The following CABIN1 variants were observed in gnomAD, a reference collection of about 807,000 sequenced individuals.
CABIN1 encodes the protein calcineurin-binding protein cabin-1.
A neutral mutation model predicts 227.7 loss-of-function variants in CABIN1; 133 were observed. The ratio of observed to expected loss-of-function variants is 0.58; its 90% CI spans 0.51 to 0.67. The LOEUF (loss-of-function observed/expected upper bound fraction) is 0.67, where lower values mean the gene tolerates loss of function less well. Ranked by LOEUF, CABIN1 falls within the 30% of genes least tolerant of loss-of-function variation. CABIN1 has a pLI of 0.00. For synonymous variants in CABIN1, 1,086 were observed against 1,155.1 expected (o/e 0.94, Z 1.21); for missense variants, 2,408 against 2,852.5 (o/e 0.84, Z 3.55).
At position 24,081,085 on chromosome 22, in the gene CABIN1, C is replaced by A. The variant is rs117340640; in HGVS notation, c.2749-2143C>A. Among the ~76,000 whole-genome samples the A allele has an allele frequency of 7.9e-3, 1,202 of 152,304 alleles. 6 individuals are homozygous for A. Among genetic ancestry groups the A allele is most frequent in the South Asian group, 0.015 (70 of 4,826 alleles). The stretch of plus-strand genomic sequence containing the variant: ...TCGTAGATATTATTTAAATCAGTGG[C>A]TGCAGCTTTGTTCCAACAAAACTTG... On this transcript the variant is annotated intron_variant, in intron 19 of 36. Coordinates refer to ENST00000263119, the MANE Select transcript of CABIN1 (RefSeq NM_012295.4).
intron 29 of CABIN1, 147 bp downstream of exon 29, chr22:24,134,562 G>A (rs1234052023): frequency 2.7e-5 from 19 of 699,280 alleles, no homozygotes; most frequent in Non-Finnish European, 4.1e-5. Context: ...ACAGTCGAGA[G>A]TGAGCCAGAC....
chr22:24,161,664 T>G (rs372782969), intron 29 of CABIN1, among the ~76,000 whole-genome samples: 1 of 152,212 alleles, frequency 6.6e-6, no homozygotes, highest in African/African-American at 2.4e-5. Flanking sequence ...CACTGCTGCC[T>G]ATGCCCTTCT....
rs1017546776 is a variant in CABIN1, at chr22:24,177,987, TGGCAGAGGGGCTTGG to T, written c.6520-58_6520-44del. The stretch of plus-strand genomic sequence containing the variant: ...GGGGGGCCTGGGGCAGGGGTGAAGG[TGGCAGAGGGGCTTGG>T]GGCAGAGCCCAGCCATCCTTGACCA... On this transcript the variant is annotated intron_variant, in intron 36 of 36. Transcript: ENST00000263119. This position sits in a 1 kb window ranked among gnomAD's most constrained non-coding sequence, Gnocchi z 4.4. 5.8e-5 allele frequency: 93 copies of T among 1,606,374 alleles called. No homozygotes were observed. The highest frequency in any genetic ancestry group is 8.4e-5 in the Admixed American group (5 of 59,842).
intron 26 of CABIN1, among the ~76,000 whole-genome samples, chr22:24,101,994 G>A (rs1262651389): frequency 6.6e-6 from 1 of 152,178 alleles, no homozygotes; most frequent in Non-Finnish European, 1.5e-5. Flanking sequence ...TAACTGCCCT[G>A]CAGGCTCGGT....
chr22:24,128,849 A>T (rs139590923), intron 28 of CABIN1, among the ~76,000 whole-genome samples: 1,631 of 152,238 alleles, frequency 0.011, 26 homozygotes, highest in South Asian at 0.041. Flanking sequence ...CAGGATCCCC[A>T]CCAGACAGTT....
At chr22:24,147,219 C>G (rs888447253) in intron 29 of CABIN1, among the ~76,000 whole-genome samples, 1 of 151,612 alleles carries the variant, frequency 6.6e-6, no homozygotes, top group African/African-American at 2.4e-5. Flanking sequence ...GGAATGTATC[C>G]CAGCAGCACC....
At chr22:24,113,332 C>G (rs1365345987) in intron 26 of CABIN1, among the ~76,000 whole-genome samples, 1 of 152,218 alleles carries the variant, frequency 6.6e-6, no homozygotes, top group African/African-American at 2.4e-5. Flanking sequence ...TACCAGAATA[C>G]CACTGTTTGG....
chr22:24,134,343 C>T lies in CABIN1; in HGVS notation c.4674C>T (p.Ile1558=). 1 of 1,614,190 alleles carries T rather than the reference C, an allele frequency of 6.2e-7. No homozygotes were observed. Among genetic ancestry groups the T allele is most frequent in the Non-Finnish European group, 8.5e-7 (1 of 1,180,018 alleles). Residue 1558 remains isoleucine (I), a synonymous_variant, in exon 29 of 37, where the codon ATC becomes ATT. Coordinates refer to ENST00000263119, the MANE Select transcript of CABIN1 (RefSeq NM_012295.4). ...WARDVLLGSS[I]PWQQLQHMPA... is the part of the protein sequence containing the mutation. ...GCGACGTGTTGCTAGGCAGCAGTAT[C>T]CCGTGGCAACAACTGCAGCACATGC... is the stretch of plus-strand genomic sequence containing the variant.
At chr22:24,024,648 C>T (rs1204320164) in intron 1 of CABIN1, among the ~76,000 whole-genome samples, 1 of 152,160 alleles carries the variant, frequency 6.6e-6, no homozygotes, top group African/African-American at 2.4e-5. Flanking sequence ...TCATATGATA[C>T]ATACGTTAGT....
intron 1 of CABIN1, among the ~76,000 whole-genome samples, chr22:24,022,007 C>T (rs2035760263): frequency 6.6e-6 from 1 of 152,218 alleles, no homozygotes; most frequent in Non-Finnish European, 1.5e-5. Flanking sequence ...ACTGTCATAT[C>T]ATCAGTGTGA....
intron 29 of CABIN1, 88 bp downstream of exon 29, chr22:24,134,503 T>C: frequency 1.8e-6 from 2 of 1,095,506 alleles, no homozygotes; most frequent in Non-Finnish European, 2.7e-6. Flanking sequence ...TAGGTGGGTG[T>C]TCCCAGGGCC....
In CABIN1 at chr22:24,131,627, C is replaced by T. The variant is rs193150474; in HGVS notation, c.4633-2675C>T. Among the ~76,000 whole-genome samples the T allele has an allele frequency of 3.7e-4, 57 of 152,326 alleles. 1 individual carries two copies. The highest frequency in any genetic ancestry group is 4.1e-4 in the African/African-American group (17 of 41,564). ...TCTGGGCACTTGCTTCAGTGAGTCC[C>T]TTATCCCCATAACAGCTTTGTGCAA... is the stretch of plus-strand genomic sequence containing the variant. On this transcript the variant is annotated intron_variant, in intron 28 of 36. Transcript: ENST00000263119.
intron 1 of CABIN1, among the ~76,000 whole-genome samples, chr22:24,025,410 C>T (rs1352347332): frequency 4.6e-5 from 7 of 152,116 alleles, no homozygotes; most frequent in Admixed American, 4.6e-4. Context: ...CCTGAGAAGG[C>T]CAAAACCAAG....
chr22:24,135,085 C>T (rs2044312151), intron 29 of CABIN1, among the ~76,000 whole-genome samples: 1 of 144,552 alleles, frequency 6.9e-6, no homozygotes, highest in Non-Finnish European at 1.5e-5. Context: ...CTCAAACAAA[C>T]AAACAAACAA....
chr22:24,087,069 A>G (rs1481060864), intron 22 of CABIN1, among the ~76,000 whole-genome samples: 3 of 151,944 alleles, frequency 2.0e-5, no homozygotes, highest in Non-Finnish European at 2.9e-5. Context: ...CTTGTAGAGC[A>G]CTCCTTTTCC....
chr22:24,119,737 A>AGCTGCCCT, intron 28 of CABIN1, 39 bp downstream of exon 28: 1 of 1,580,960 alleles, frequency 6.3e-7, no homozygotes, highest in Non-Finnish European at 8.7e-7. Context: ...GGATCTTCCC[A>AGCTGCCCT]GGGCAGCTGG....
chr22:24,101,947 C>A (rs530276725), intron 26 of CABIN1, among the ~76,000 whole-genome samples: 5 of 152,272 alleles, frequency 3.3e-5, no homozygotes, highest in Admixed American at 6.5e-5. Context: ...GGGCTCTGGG[C>A]AGGTGCCTGC....
Position 24,071,204 on chromosome 22 carries a change from C to T in CABIN1, c.2475+162C>T, listed in dbSNP as rs759725524. On this transcript the variant is annotated intron_variant, in intron 17 of 36. Transcript: ENST00000263119. ...TTCGGGATCTGAGGAGGGGTTTGTG[C>T]GCAGGCTGCAAACCTTCCTGGGGCT... 161 of 958,140 alleles carry T rather than the reference C, an allele frequency of 1.7e-4. 1 individual carries two copies. Among genetic ancestry groups the T allele is most frequent in the Admixed American group, 3.5e-4 (17 of 49,138 alleles). The allele number at this position is 958,140 out of a possible 1,614,324, so 59.4% of individuals were successfully genotyped here. A position where few individuals can be genotyped will look rare whatever the true frequency, so the allele number is the denominator to read the frequency against.
intron 13 of CABIN1, among the ~76,000 whole-genome samples, chr22:24,062,469 C>T (rs964217294): frequency 2.0e-5 from 3 of 151,248 alleles, no homozygotes; most frequent in Admixed American, 1.3e-4. Context: ...GTGATTCTCC[C>T]ATATCAGCCT....
Sources: gnomAD v4.1 joint callset for allele counts (sites outside exome capture counted in the v4.1 genomes callset) on GRCh38, gnomAD v4.1.1 for gene constraint, Gnocchi (gnomAD v3.1) non-coding constraint, MANE v1.5 for transcripts, NCBI Gene and HGNC (gene_info 2026-07-23, HGNC 2026-07-21) for gene names.